MAP3K4: variants seen among roughly 807,000 people sequenced by gnomAD.
The protein encoded by MAP3K4 is MAP three kinase 1.
MAP3K4 carries 67 observed loss-of-function variants against 185.6 expected under a neutral mutation model. The observed-to-expected ratio is 0.36, with a 90% CI of 0.30 to 0.44. The LOEUF is 0.44. Ranked by LOEUF, MAP3K4 falls within the 20% of genes least tolerant of loss-of-function variation. The pLI is 1.00. For synonymous variants in MAP3K4, 702 were observed against 710.4 expected (o/e 0.99, Z 0.19); for missense variants, 1,551 against 1,995.1 (o/e 0.78, Z 4.24).
chr6:161,037,742 A>G lies in MAP3K4; in HGVS notation c.343+3293A>G, dbSNP rs898018245. Among the ~76,000 whole-genome samples, 3 of 152,166 alleles carry G rather than the reference A, an allele frequency of 2.0e-5. No individual in the cohort carries two copies. Among genetic ancestry groups the G allele is most frequent in the Non-Finnish European group, 4.4e-5 (3 of 68,016 alleles). ...TGTAAAGTCAGGATTTCTTCCCAAC[A>G]CTTACTACTTTTTTTCTTGACTTAA... On this transcript the variant is annotated intron_variant, in intron 2 of 26. Coordinates refer to ENST00000392142, the MANE Select transcript of MAP3K4 (RefSeq NM_005922.4). The surrounding 1 kb of genome is among the most constrained non-coding windows in gnomAD (Gnocchi z 4.2).
At position 161,093,101 on chromosome 6, in the gene MAP3K4, C is replaced by A; in HGVS notation, c.3348+45C>A. 7.6e-7 allele frequency: 1 copy of A among 1,307,558 alleles called. No homozygotes were observed. The highest frequency in any genetic ancestry group is 1.1e-6 in the Non-Finnish European group (1 of 912,912). The allele number at this position is 1,307,558 out of a possible 1,614,324, so 81.0% of individuals were successfully genotyped here. ...TTTTTTCATTATAAAATAAGCCAGT[C>A]ACTCCTTATTTTCTGGTTGTATATG... On this transcript the variant is annotated intron_variant, in intron 14 of 26. Transcript: ENST00000392142. This position sits in a 1 kb window ranked among gnomAD's most constrained non-coding sequence, Gnocchi z 5.2.
chr6:161,023,425 A>G lies in MAP3K4; in HGVS notation c.153-10834A>G, dbSNP rs1019441059. ...TGCTAACCTAAAGCCGTTAATCAGTATGTTTAGGTTATGCTTCTTCACTCA... is the reference window on the plus strand; with the variant it reads ...TGCTAACCTAAAGCCGTTAATCAGTGTGTTTAGGTTATGCTTCTTCACTCA... On this transcript the variant is annotated intron_variant, in intron 1 of 26. Transcript: ENST00000392142. Among the ~76,000 whole-genome samples, 5 of 152,324 alleles carry G rather than the reference A, an allele frequency of 3.3e-5. No individual in the cohort carries two copies. In the East Asian group the frequency reaches 7.7e-4, roughly 24 times the overall value.
chr6:161,020,804 C>G (rs1384397168), intron 1 of MAP3K4, among the ~76,000 whole-genome samples: 1 of 152,052 alleles, frequency 6.6e-6, no homozygotes, highest in Non-Finnish European at 1.5e-5. Flanking sequence ...AAAATATTCC[C>G]TATGTTTTGT....
rs1777862969 is a variant in MAP3K4 at position 161,102,097 on chromosome 6, C to T, written c.3775+105C>T. 3.5e-6 allele frequency: 3 copies of T among 856,036 alleles called. No individual in the cohort carries two copies. The South Asian group carries it at 5.0e-5, about 14-fold the overall frequency. 53.0% of individuals were successfully genotyped at this position (856,036 alleles called of 1,614,324 possible). A position where few individuals can be genotyped will look rare whatever the true frequency, so the allele number is the denominator to read the frequency against. On this transcript the variant is annotated intron_variant, in intron 18 of 26. Transcript: ENST00000392142. ...CTTTATGAGGATTCCTTGAAGATTC[C>T]TTTTTTTGGTCCTTTCTAAAGGAAT...
At position 161,088,953 on chromosome 6, in the gene MAP3K4, CTG is replaced by C. The variant is rs1422190495; in HGVS notation, c.2824-367_2824-366del. Among the ~76,000 whole-genome samples the C allele has an allele frequency of 6.6e-6, 1 of 152,140 alleles. No individual in the cohort carries two copies. The highest frequency in any genetic ancestry group is 1.5e-5 in the Non-Finnish European group (1 of 68,014). On this transcript the variant is annotated intron_variant, in intron 10 of 26. Transcript: ENST00000392142. This position sits in a 1 kb window ranked among gnomAD's most constrained non-coding sequence, Gnocchi z 4.5. ...TTATATAAGGCCCCTCATCTTATTT[CTG>C]TCTTATTCCTACATTTTCCTTCTTC...
At chr6:161,024,874 A>G (rs1782567093) in intron 1 of MAP3K4, among the ~76,000 whole-genome samples, 2 of 152,186 alleles carry the variant, frequency 1.3e-5, no homozygotes, top group Non-Finnish European at 2.9e-5. Flanking sequence ...CTTGAGAGGA[A>G]AGTATGTAAA....
At chr6:161,065,969 G>A (rs1784694779) in intron 3 of MAP3K4, among the ~76,000 whole-genome samples, 1 of 150,590 alleles carries the variant, frequency 6.6e-6, no homozygotes, top group African/African-American at 2.4e-5. Context: ...AATATTTGCA[G>A]AATGGATACC....
chr6:161,076,188 AC>A lies in MAP3K4; in HGVS notation c.2097+2579del, dbSNP rs1451785615. ...TGTCCGCCTTAGGCCCAGAAGGCCC[AC>A]CCAGAGATTAACTAGAGCCTTGATA... On this transcript the variant is annotated intron_variant, in intron 5 of 26. Coordinates refer to ENST00000392142, the MANE Select transcript of MAP3K4 (RefSeq NM_005922.4). The surrounding 1 kb of genome is among the most constrained non-coding windows in gnomAD (Gnocchi z 4.2). Among the ~76,000 whole-genome samples, 1 of 152,354 alleles carries A rather than the reference AC, an allele frequency of 6.6e-6. No homozygotes were observed. Among genetic ancestry groups the A allele is most frequent in the East Asian group, 1.9e-4 (1 of 5,178 alleles).
intron 1 of MAP3K4, among the ~76,000 whole-genome samples, chr6:161,011,318 A>G (rs1286744559): frequency 6.6e-6 from 1 of 152,186 alleles, no homozygotes; most frequent in Non-Finnish European, 1.5e-5. Context: ...TAAAATGAGT[A>G]TGGTGACTTT....
In MAP3K4 at chr6:160,996,643, G is replaced by A. The variant is rs762750702; in HGVS notation, c.152+4560G>A. On this transcript the variant is annotated intron_variant, in intron 1 of 26. Coordinates refer to ENST00000392142, the MANE Select transcript of MAP3K4 (RefSeq NM_005922.4). The surrounding 1 kb of genome is among the most constrained non-coding windows in gnomAD (Gnocchi z 4.5). The stretch of plus-strand genomic sequence containing the variant: ...TAGTGGTTTCTTTAAAGAGAAAATG[G>A]AAAACGTGAGAGAAGGAGATTAGCT... 2.5e-4 allele frequency among the ~76,000 whole-genome samples: 38 copies of A among 152,244 alleles called. No homozygotes were observed. The highest frequency in any genetic ancestry group is 4.9e-4 in the Non-Finnish European group (33 of 68,022).
In MAP3K4 at chr6:160,997,258, A is replaced by G. The variant is rs2115035430; in HGVS notation, c.152+5175A>G. 1.3e-5 allele frequency among the ~76,000 whole-genome samples: 2 copies of G among 152,082 alleles called. 1 individual carries two copies. The highest frequency in any genetic ancestry group is 4.1e-4 in the South Asian group (2 of 4,822). ...GTATTCTCCCCATAATCTCTGTCCCACCACCCCTCGCCAAGAATCCTTTAG... is the reference window on the plus strand; with the variant it reads ...GTATTCTCCCCATAATCTCTGTCCCGCCACCCCTCGCCAAGAATCCTTTAG... On this transcript the variant is annotated intron_variant, in intron 1 of 26. Transcript: ENST00000392142.
chr6:161,075,960 A>G lies in MAP3K4; in HGVS notation c.2097+2348A>G, dbSNP rs1785156422. On this transcript the variant is annotated intron_variant, in intron 5 of 26. Transcript: ENST00000392142. This position sits in a 1 kb window ranked among gnomAD's most constrained non-coding sequence, Gnocchi z 4.3. ...TTCTATTAGGAAGGAAGGAAAGAAC[A>G]GCAATTGAATTGGCAGTCAAATTAT... 1.3e-5 allele frequency among the ~76,000 whole-genome samples: 2 copies of G among 152,228 alleles called. No individual in the cohort carries two copies. Among genetic ancestry groups the G allele is most frequent in the African/African-American group, 4.8e-5 (2 of 41,448 alleles).
chr6:161,029,079 CT>C (rs997535497), intron 1 of MAP3K4, among the ~76,000 whole-genome samples: 4 of 152,202 alleles, frequency 2.6e-5, no homozygotes, highest in African/African-American at 9.7e-5. Context: ...TCCCTCCTCT[CT>C]TTCCCCCAAT....
rs73784791 is a variant in MAP3K4, at chr6:161,107,615, C to G, written c.4049-284C>G. 0.031 allele frequency among the ~76,000 whole-genome samples: 4,737 copies of G among 152,084 alleles called. 217 individuals carry two copies. The highest frequency in any genetic ancestry group is 0.12 in the Middle Eastern group (36 of 294). On this transcript the variant is annotated intron_variant, in intron 20 of 26. Transcript: ENST00000392142. This position sits in a 1 kb window ranked among gnomAD's most constrained non-coding sequence, Gnocchi z 6.2. Reference sequence around the variant, plus strand: ...GGCTCAGAGGTGTGCACCAAGGCTGCTTTTATTGGTCATTTTCATGCTTCT... The same window carrying G: ...GGCTCAGAGGTGTGCACCAAGGCTGGTTTTATTGGTCATTTTCATGCTTCT...
Position 161,008,919 on chromosome 6 carries a change from A to G in MAP3K4, c.152+16836A>G, listed in dbSNP as rs573872604. Among the ~76,000 whole-genome samples the G allele has an allele frequency of 4.6e-5, 7 of 151,650 alleles. No homozygotes were observed. Among genetic ancestry groups the G allele is most frequent in the South Asian group, 2.1e-4 (1 of 4,812 alleles). On this transcript the variant is annotated intron_variant, in intron 1 of 26. Transcript: ENST00000392142. This position sits in a 1 kb window ranked among gnomAD's most constrained non-coding sequence, Gnocchi z 4.1. ...TGCAAAATGTGTAACATTTTGCTCAATGGGTATAATGTTTATACCCATTGT... is the reference window on the plus strand; with the variant it reads ...TGCAAAATGTGTAACATTTTGCTCAGTGGGTATAATGTTTATACCCATTGT...
At chr6:161,031,824 A>G (rs1236109503) in intron 1 of MAP3K4, among the ~76,000 whole-genome samples, 1 of 152,216 alleles carries the variant, frequency 6.6e-6, no homozygotes, top group African/African-American at 2.4e-5. Flanking sequence ...GAAAGATTCA[A>G]TAATGGATGC....
chr6:161,064,339 G>T lies in MAP3K4; in HGVS notation c.1708-6269G>T, dbSNP rs565749283. Among the ~76,000 whole-genome samples the T allele has an allele frequency of 6.6e-6, 1 of 152,100 alleles. No homozygotes were observed. Among genetic ancestry groups the T allele is most frequent in the Non-Finnish European group, 1.5e-5 (1 of 68,030 alleles). On this transcript the variant is annotated intron_variant, in intron 3 of 26. Transcript: ENST00000392142. The surrounding 1 kb of genome is among the most constrained non-coding windows in gnomAD (Gnocchi z 4.3). ...AAAACAGCTGCATAATTTTAGAAATGAATACTTGTGATACTGTGAGGTATA... is the reference window on the plus strand; with the variant it reads ...AAAACAGCTGCATAATTTTAGAAATTAATACTTGTGATACTGTGAGGTATA...
intron 2 of MAP3K4, among the ~76,000 whole-genome samples, chr6:161,036,779 C>T (rs889604473): frequency 1.2e-4 from 19 of 152,048 alleles, no homozygotes; most frequent in African/African-American, 4.6e-4. Flanking sequence ...TTTGAGTATC[C>T]CTAATCTACA....
chr6:160,992,237 G>A lies in MAP3K4; in HGVS notation c.152+154G>A, dbSNP rs1780751262. On this transcript the variant is annotated intron_variant, in intron 1 of 26. Coordinates refer to ENST00000392142, the MANE Select transcript of MAP3K4 (RefSeq NM_005922.4). Reference sequence around the variant, plus strand: ...GCGGGAGGGGCGCGGTGCATCCCTGGGTCCCAGGGGACCGCGTCTGAGTCT... The same window carrying A: ...GCGGGAGGGGCGCGGTGCATCCCTGAGTCCCAGGGGACCGCGTCTGAGTCT... The A allele has an allele frequency of 4.7e-6, 5 of 1,056,506 alleles. No individual in the cohort carries two copies. The African/African-American group carries it at 6.8e-5, about 14-fold the overall frequency. 65.4% of individuals were successfully genotyped at this position (1,056,506 alleles called of 1,614,324 possible).
Sources: gnomAD v4.1 joint callset for allele counts (sites outside exome capture counted in the v4.1 genomes callset) on GRCh38, gnomAD v4.1.1 for gene constraint, Gnocchi (gnomAD v3.1) non-coding constraint, MANE v1.5 for transcripts, NCBI Gene and HGNC (gene_info 2026-07-23, HGNC 2026-07-21) for gene names.